Variants in GALNT13 observed in about 807,000 individuals in gnomAD.
GALNT13 encodes polypeptide N-acetylgalactosaminyltransferase 13, also known as UDP-GalNAc:polypeptide N-acetylgalactosaminyltransferase 13.
Under a neutral mutation model 64.2 loss-of-function variants are expected in GALNT13, and 28 were observed. The observed-to-expected ratio is 0.44, with a 90% CI of 0.32 to 0.60. The LOEUF is 0.60. Among genes scored for constraint, GALNT13 ranks in the 20% least tolerant of loss-of-function variants. The pLI is 0.05. For synonymous variants in GALNT13, 214 were observed against 224.6 expected (o/e 0.95, Z 0.42); for missense variants, 577 against 669.8 (o/e 0.86, Z 1.53).
intron 9 of GALNT13, among the ~76,000 whole-genome samples, chr2:154,365,581 A>G (rs1370496338): frequency 4.6e-5 from 7 of 152,290 alleles, no homozygotes; most frequent in Non-Finnish European, 8.8e-5. Context: ...CAATATATCT[A>G]TTTCATAAAG....
the GALNT13 span, among the ~76,000 whole-genome samples, chr2:153,540,611 C>G: frequency 6.6e-6 from 1 of 152,156 alleles, no homozygotes; most frequent in African/African-American, 2.4e-5. Flanking sequence ...GAAAGCAGCC[C>G]CCGGGCCTGT....
At chr2:154,436,415 C>T (rs1274199020) in intron 11 of GALNT13, 1 of 152,104 alleles carries the variant, frequency 6.6e-6, no homozygotes, top group Non-Finnish European at 1.5e-5. Flanking sequence ...GAAGAATACA[C>T]TGTATAAAAA....
At chr2:153,493,542 T>G in the GALNT13 span, among the ~76,000 whole-genome samples, 1 of 152,160 alleles carries the variant, frequency 6.6e-6, no homozygotes, top group Non-Finnish European at 1.5e-5. Flanking sequence ...TGGTTAATTC[T>G]GTCACAATTT....
chr2:153,765,676 C>G, the GALNT13 span, among the ~76,000 whole-genome samples: 5 of 152,024 alleles, frequency 3.3e-5, no homozygotes, highest in African/African-American at 1.2e-4. Context: ...TGAAAAGGGA[C>G]ATGAAATGTG....
chr2:153,735,774 G>A, the GALNT13 span, among the ~76,000 whole-genome samples: 1 of 152,128 alleles, frequency 6.6e-6, no homozygotes, highest in Non-Finnish European at 1.5e-5. Flanking sequence ...CTGCTTTCCA[G>A]GATTAGATTT....
At chr2:153,448,521 TCACAACTATCAAATCTGCCAG>T in the GALNT13 span, among the ~76,000 whole-genome samples, 1 of 152,212 alleles carries the variant, frequency 6.6e-6, no homozygotes, top group Non-Finnish European at 1.5e-5. Flanking sequence ...TAGCATTTGA[TCACAACTATCAAATCTGCCAG>T]CATATATTGA....
At chr2:153,591,668 T>C in the GALNT13 span, among the ~76,000 whole-genome samples, 5 of 151,960 alleles carry the variant, frequency 3.3e-5, no homozygotes, top group Non-Finnish European at 7.4e-5. Flanking sequence ...TCTCACCATA[T>C]ACAAAAATCA....
At chr2:153,481,954 A>G in the GALNT13 span, among the ~76,000 whole-genome samples, 1 of 152,224 alleles carries the variant, frequency 6.6e-6, no homozygotes, top group Non-Finnish European at 1.5e-5. Flanking sequence ...ATATTACACA[A>G]TGTAAGCAGG....
chr2:154,152,882 T>C (rs1183020413), intron 4 of GALNT13, among the ~76,000 whole-genome samples: 1 of 152,204 alleles, frequency 6.6e-6, no homozygotes, highest in African/African-American at 2.4e-5. Context: ...TTGAATTTCC[T>C]CCTGTAGGTT....
intron 1 of GALNT13, among the ~76,000 whole-genome samples, chr2:153,899,590 G>A (rs1290233336): frequency 6.6e-6 from 1 of 152,084 alleles, no homozygotes; most frequent in Non-Finnish European, 1.5e-5. Context: ...GGGCCAGGTA[G>A]AGACCTGTGC....
At chr2:154,236,159 C>T in intron 4 of GALNT13, 4 of 1,105,876 alleles carry the variant, frequency 3.6e-6, no homozygotes, top group Non-Finnish European at 4.5e-6. Context: ...ATATTGTCTT[C>T]TTGCTTTTAT....
At chr2:154,036,149 G>A (rs184607069) in intron 3 of GALNT13, among the ~76,000 whole-genome samples, 3 of 152,096 alleles carry the variant, frequency 2.0e-5, no homozygotes, top group East Asian at 1.9e-4. Context: ...GTTTGCCAGC[G>A]ATTAGTGTCC....
chr2:153,198,037 C>G, the GALNT13 span, among the ~76,000 whole-genome samples: 2 of 152,114 alleles, frequency 1.3e-5, no homozygotes, highest in Non-Finnish European at 2.9e-5. Flanking sequence ...GTGTTGAGGA[C>G]CATTGCTGCT....
At chr2:153,736,935 C>T in the GALNT13 span, among the ~76,000 whole-genome samples, 2 of 152,200 alleles carry the variant, frequency 1.3e-5, no homozygotes, top group Non-Finnish European at 2.9e-5. Flanking sequence ...CAACCTCTGA[C>T]ATTCTATGCA....
At chr2:153,917,332 T>C (rs1198554709) in intron 2 of GALNT13, among the ~76,000 whole-genome samples, 1 of 152,166 alleles carries the variant, frequency 6.6e-6, no homozygotes, top group Non-Finnish European at 1.5e-5. Context: ...GCATTACTGC[T>C]ACCTATAGCG....
At chr2:153,224,320 C>T in the GALNT13 span, among the ~76,000 whole-genome samples, 1 of 150,792 alleles carries the variant, frequency 6.6e-6, no homozygotes, top group East Asian at 2.0e-4. Flanking sequence ...CTAGAGACTA[C>T]TAGAGAAGGG....
At chr2:153,844,111 G>T in the GALNT13 span, among the ~76,000 whole-genome samples, 5 of 152,122 alleles carry the variant, frequency 3.3e-5, no homozygotes, top group Non-Finnish European at 7.3e-5. Context: ...CTCCATTGGG[G>T]ACTCTTTGTG....
At chr2:153,297,708 G>T in the GALNT13 span, among the ~76,000 whole-genome samples, 1 of 152,140 alleles carries the variant, frequency 6.6e-6, no homozygotes, top group East Asian at 1.9e-4. Context: ...AGTAAATAAT[G>T]AGCAGTCATT....
intron 8 of GALNT13, among the ~76,000 whole-genome samples, chr2:154,280,370 T>G (rs750138565): frequency 6.6e-5 from 10 of 152,152 alleles, no homozygotes; most frequent in Non-Finnish European, 1.0e-4. Context: ...ACACACAAAG[T>G]AATTGGCTAA....
Sources: allele counts gnomAD v4.1 joint callset (sites outside exome capture counted in the v4.1 genomes callset), GRCh38; gene constraint gnomAD v4.1.1; transcripts MANE v1.5; gene names NCBI Gene and HGNC (gene_info 2026-07-23, HGNC 2026-07-21).